GATM: variants seen among roughly 807,000 people sequenced by gnomAD.
GATM encodes the protein glycine amidinotransferase, mitochondrial.
In GATM, 23 loss-of-function variants were observed where a neutral mutation model predicts 54.2. The observed-to-expected ratio is 0.42, with a 90% CI of 0.31 to 0.60. The LOEUF is 0.60. Among genes scored for constraint, GATM ranks in the 20% least tolerant of loss-of-function variants. The pLI is 0.14. For synonymous variants in GATM, 168 were observed against 183.1 expected (o/e 0.92, Z 0.67); for missense variants, 401 against 544.9 (o/e 0.74, Z 2.63).
At chr15:45,371,008 C>T (rs866604566) in intron 2 of GATM, among the ~76,000 whole-genome samples, 5 of 152,144 alleles carry the variant, frequency 3.3e-5, no homozygotes, top group East Asian at 1.9e-4. Context: ...CTCCTGACCT[C>T]GTGATCCACC....
intron 2 of GATM, among the ~76,000 whole-genome samples, chr15:45,375,153 C>CTCTGAG (rs1283770981): frequency 6.6e-6 from 1 of 152,206 alleles, no homozygotes; most frequent in Non-Finnish European, 1.5e-5. Context: ...TCACGGCAAC[C>CTCTGAG]TCTGCCTCCT....
At chr15:45,385,254 C>T (rs1370915413) in intron 3 of GATM, among the ~76,000 whole-genome samples, 2 of 152,180 alleles carry the variant, frequency 1.3e-5, no homozygotes, top group African/African-American at 4.8e-5. Flanking sequence ...GACCTTCTCC[C>T]TCATCTCATT....
At position 45,362,127 on chromosome 15, in the gene GATM, T is replaced by C. The variant is rs1595481441; in HGVS notation, c.1254A>G (p.Leu418=). 6.2e-7 allele frequency: 1 copy of C among 1,611,834 alleles called. No homozygotes were observed. ...WTCDVRRRGT[L]QSYLD is the part of the protein sequence containing the mutation. ...GGCCTGTTCAGTCCAAGTAGGACTG[T>C]AAGGTGCCTCGGCGCCGGACATCGC... The change falls in exon 9 of 9, where the codon TTA becomes TTG. Residue 418 remains leucine, a synonymous_variant. Coordinates refer to ENST00000396659, the MANE Select transcript of GATM (RefSeq NM_001482.3).
At chr15:45,383,779 C>T (rs1423620166) in intron 3 of GATM, among the ~76,000 whole-genome samples, 2 of 152,002 alleles carry the variant, frequency 1.3e-5, no homozygotes, top group African/African-American at 2.4e-5. Context: ...CCTGACCTCA[C>T]AATCTGCCCG....
At chr15:45,389,687 T>A (rs1889846200) in intron 3 of GATM, among the ~76,000 whole-genome samples, 1 of 152,142 alleles carries the variant, frequency 6.6e-6, no homozygotes, top group South Asian at 2.1e-4. Flanking sequence ...AAGGTTTGTA[T>A]CTTGGAGTAG....
chr15:45,367,923 C>A (rs528590303), intron 4 of GATM, 147 bp downstream of exon 4: 168 of 673,742 alleles, frequency 2.5e-4, no homozygotes, highest in Middle Eastern at 1.2e-3. Flanking sequence ...TCATATTCAT[C>A]ATAAAATAAT....
chr15:45,363,776 G>A lies in GATM; in HGVS notation c.1159+124C>T, dbSNP rs1595481883. Reference sequence around the variant, plus strand: ...TGACTTTCTGTGAAATAATAACTTGGTGCCTCTAAAAGGAATCAAAATTGA... The same window carrying A: ...TGACTTTCTGTGAAATAATAACTTGATGCCTCTAAAAGGAATCAAAATTGA... On this transcript the variant is annotated intron_variant, in intron 8 of 8. Coordinates refer to ENST00000396659, the MANE Select transcript of GATM (RefSeq NM_001482.3). 1.0e-5 allele frequency: 7 copies of A among 684,890 alleles called. No homozygotes were observed. The East Asian group carries it at 1.9e-4, about 18-fold the overall frequency. The allele number at this position is 684,890 out of a possible 1,614,324, so 42.4% of individuals were successfully genotyped here.
chr15:45,364,124 A>G (rs1595481993), intron 7 of GATM, 108 bp from the exon 8 acceptor site: 2 of 762,090 alleles, frequency 2.6e-6, no homozygotes, highest in South Asian at 2.8e-5. Flanking sequence ...TCAGTAGTTC[A>G]CTTTCCATGT....
intron 3 of GATM, among the ~76,000 whole-genome samples, chr15:45,394,277 TG>T (rs1889903594): frequency 6.6e-6 from 1 of 152,220 alleles, no homozygotes; most frequent in South Asian, 2.1e-4. Context: ...GCGTTCCTTA[TG>T]AGAATTTAAT....
intron 3 of GATM, chr15:45,396,888 A>AAAAAAAAAAAAAC (rs1889940774): frequency 6.6e-6 from 1 of 151,332 alleles, no homozygotes; most frequent in Admixed American, 6.7e-5. Context: ...AAAAAAAAAA[A>AAAAAAAAAAAAAC]AAAAGCCATA....
chr15:45,372,435 A>T (rs1889559549), intron 2 of GATM, among the ~76,000 whole-genome samples: 2 of 152,248 alleles, frequency 1.3e-5, no homozygotes, highest in African/African-American at 4.8e-5. Flanking sequence ...TTCAAAAAAC[A>T]AAATAAAAGC....
chr15:45,378,535 G>T lies in GATM; in HGVS notation c.-82C>A. On this transcript the variant is annotated 5_prime_UTR_variant, in exon 1 of 9. Coordinates refer to ENST00000396659, the MANE Select transcript of GATM (RefSeq NM_001482.3). Reference sequence around the variant, plus strand: ...TCCAAGCCTTCCCGAGAGCGCGCCCGGAGCGGGGTGGGCGGGCGCGCGGGG... The same window carrying T: ...TCCAAGCCTTCCCGAGAGCGCGCCCTGAGCGGGGTGGGCGGGCGCGCGGGG... 8.7e-7 allele frequency: 1 copy of T among 1,153,730 alleles called. No homozygotes were observed. The allele number at this position is 1,153,730 out of a possible 1,614,324, so 71.5% of individuals were successfully genotyped here.
At chr15:45,392,007 C>T (rs566687524) in intron 3 of GATM, among the ~76,000 whole-genome samples, 10 of 152,312 alleles carry the variant, frequency 6.6e-5, no homozygotes, top group African/African-American at 2.4e-4. Context: ...CCTGACCCTA[C>T]AATTTAAGCT....
intron 3 of GATM, among the ~76,000 whole-genome samples, chr15:45,392,311 G>A (rs1160855319): frequency 6.6e-6 from 1 of 152,184 alleles, no homozygotes; most frequent in Non-Finnish European, 1.5e-5. Flanking sequence ...CCTACAGTGC[G>A]CATTCTCTCT....
At chr15:45,391,857 C>T (rs1889876963) in intron 3 of GATM, among the ~76,000 whole-genome samples, 1 of 152,064 alleles carries the variant, frequency 6.6e-6, no homozygotes, top group African/African-American at 2.4e-5. Flanking sequence ...AAAAAAAACA[C>T]AAAAAATAAA....
chr15:45,395,165 C>G (rs1889914638), intron 3 of GATM, among the ~76,000 whole-genome samples: 1 of 152,104 alleles, frequency 6.6e-6, no homozygotes, highest in Non-Finnish European at 1.5e-5. Flanking sequence ...TATGAATAAG[C>G]CATTTGCAGA....
upstream of GATM, chr15:45,379,439 C>T (rs886271820): frequency 1.3e-5 from 2 of 152,098 alleles, no homozygotes; most frequent in African/African-American, 4.8e-5. Context: ...ATTTTGGTAT[C>T]TCAAGCTTGT....
chr15:45,377,704 T>C (rs1889662585), intron 1 of GATM: 3 of 163,832 alleles, frequency 1.8e-5, no homozygotes, highest in African/African-American at 7.2e-5. Context: ...AACCAGTTGC[T>C]GGGAGGAAGC....
chr15:45,362,082 G>A lies in GATM; in HGVS notation c.*27C>T. On this transcript the variant is annotated 3_prime_UTR_variant, in exon 9 of 9. Coordinates refer to ENST00000396659, the MANE Select transcript of GATM (RefSeq NM_001482.3). ...CCTAAGCTTCTTAGGTGTATCTGAG[G>A]CCAGCCACAAGCTCCATCAGGCCTG... 1 of 1,402,910 alleles carries A rather than the reference G, an allele frequency of 7.1e-7. No individual in the cohort carries two copies. The highest frequency in any genetic ancestry group is 1.0e-6 in the Non-Finnish European group (1 of 989,340). 86.9% of individuals were successfully genotyped at this position (1,402,910 alleles called of 1,614,324 possible).
Sources: allele counts gnomAD v4.1 joint callset (sites outside exome capture counted in the v4.1 genomes callset), GRCh38; gene constraint gnomAD v4.1.1; transcripts MANE v1.5; gene names NCBI Gene and HGNC (gene_info 2026-07-23, HGNC 2026-07-21).